The following TENM2 variants were observed in gnomAD, a reference collection of about 807,000 sequenced individuals.
The protein encoded by TENM2 is teneurin-2.
TENM2 carries 52 observed loss-of-function variants against 245.2 expected under a neutral mutation model. That is an observed-to-expected ratio of 0.21 (90% CI 0.17 to 0.27). TENM2 has a LOEUF of 0.27. TENM2 is among the 10% of genes least tolerant of loss of function. TENM2 has a pLI of 1.00. For synonymous variants in TENM2, 1,363 were observed against 1,438.9 expected (o/e 0.95, Z 1.19); for missense variants, 3,046 against 3,666.8 (o/e 0.83, Z 4.37).
chr5:168,141,052 C>T (rs1371389499), intron 12 of TENM2, among the ~76,000 whole-genome samples: 8 of 151,982 alleles, frequency 5.3e-5, no homozygotes, highest in South Asian at 4.1e-4. Context: ...TACATAGTCC[C>T]GCTGGGCTAT....
chr5:167,700,451 A>G (rs977045534), intron 2 of TENM2, among the ~76,000 whole-genome samples: 1 of 152,150 alleles, frequency 6.6e-6, no homozygotes. Flanking sequence ...ATTCATTTAG[A>G]CTAACATGCA....
intron 2 of TENM2, among the ~76,000 whole-genome samples, chr5:167,489,628 T>C (rs1192093406): frequency 1.3e-5 from 2 of 152,228 alleles, no homozygotes; most frequent in East Asian, 1.9e-4. Flanking sequence ...GTATGCTAGT[T>C]TACTGCTGTA....
intron 12 of TENM2, among the ~76,000 whole-genome samples, chr5:168,127,871 A>C (rs1422013576): frequency 6.6e-6 from 1 of 152,178 alleles, no homozygotes; most frequent in Admixed American, 6.5e-5. Context: ...TTTCCAGCCA[A>C]ACTACAGTTT....
rs759490621 is a variant in TENM2, at chr5:167,779,931, CA to C, written c.503-96054del. On this transcript the variant is annotated intron_variant, in intron 2 of 28. Transcript: ENST00000518659. ...CATTTGGCCACGAACAGTGTTGAGC[CA>C]TTTTTCAATGTACCAAATGTTCTAA... Among the ~76,000 whole-genome samples, 253 of 152,302 alleles carry C rather than the reference CA, an allele frequency of 1.7e-3. 3 individuals carry two copies. The highest frequency in any genetic ancestry group is 2.4e-3 in the Non-Finnish European group (166 of 68,028).
At chr5:167,518,904 G>A (rs1582270981) in intron 2 of TENM2, among the ~76,000 whole-genome samples, 1 of 152,118 alleles carries the variant, frequency 6.6e-6, no homozygotes, top group Non-Finnish European at 1.5e-5. Flanking sequence ...TGTGTAGGCA[G>A]TATCCATAAT....
intron 2 of TENM2, among the ~76,000 whole-genome samples, chr5:167,740,700 C>T (rs756353555): frequency 1.1e-4 from 17 of 152,154 alleles, no homozygotes; most frequent in Non-Finnish European, 2.2e-4. Context: ...CCTAGGGACC[C>T]GTGAGAGGGA....
the TENM2 span, among the ~76,000 whole-genome samples, chr5:167,094,523 GA>G: frequency 1.3e-5 from 2 of 151,582 alleles, no homozygotes; most frequent in African/African-American, 4.8e-5. Flanking sequence ...CCTTACAGAA[GA>G]AAAAAAACAG....
chr5:167,983,174 AAAG>A (rs567583948), intron 4 of TENM2, among the ~76,000 whole-genome samples: 5 of 136,370 alleles, frequency 3.7e-5, no homozygotes, highest in South Asian at 2.4e-4. Flanking sequence ...AGAGGGGGAA[AAAG>A]AAGAAGAAAA....
chr5:167,386,621 T>C (rs548887674), intron 2 of TENM2, among the ~76,000 whole-genome samples: 7 of 152,342 alleles, frequency 4.6e-5, no homozygotes, highest in Non-Finnish European at 7.3e-5. Context: ...TCCAATGTCA[T>C]CTTCTAGAAT....
chr5:167,749,645 A>T (rs1761829113), intron 2 of TENM2, among the ~76,000 whole-genome samples: 1 of 152,058 alleles, frequency 6.6e-6, no homozygotes. Context: ...CTCAAAAAAA[A>T]AAAAAATCAA....
exon 7 of TENM2, chr5:168,062,116 C>T (rs1455080507): frequency 1.9e-6 from 3 of 1,612,290 alleles, no homozygotes; most frequent in East Asian, 4.5e-5. Context: ...AGTTGGTCGG[C>T]GGGTAACACA....
intron 2 of TENM2, among the ~76,000 whole-genome samples, chr5:167,841,902 T>C (rs1769549700): frequency 6.6e-6 from 1 of 152,086 alleles, no homozygotes; most frequent in Admixed American, 6.5e-5. Context: ...ATTAATATGT[T>C]TTATATATGT....
chr5:168,214,362 C>T (rs1763013487), intron 20 of TENM2, among the ~76,000 whole-genome samples: 1 of 152,254 alleles, frequency 6.6e-6, no homozygotes, highest in East Asian at 1.9e-4. Context: ...TGGCTCACGC[C>T]TGTGACCTCA....
At chr5:167,074,074 A>C in the TENM2 span, among the ~76,000 whole-genome samples, 1 of 152,186 alleles carries the variant, frequency 6.6e-6, no homozygotes, top group East Asian at 1.9e-4. Context: ...TTGGGGTGGA[A>C]CAACTAAAGG....
intron 5 of TENM2, among the ~76,000 whole-genome samples, chr5:168,023,411 T>G (rs900494902): frequency 6.6e-6 from 1 of 152,034 alleles, no homozygotes; most frequent in Non-Finnish European, 1.5e-5. Context: ...CAGAGAACTC[T>G]CTCTCTGGCA....
In TENM2 at chr5:167,852,202, C is replaced by T. The variant is rs765720016; in HGVS notation, c.503-23784C>T. Among the ~76,000 whole-genome samples the T allele has an allele frequency of 4.7e-4, 72 of 152,116 alleles. 1 individual carries two copies. The highest frequency in any genetic ancestry group is 2.5e-4 in the Non-Finnish European group (17 of 68,022). On this transcript the variant is annotated intron_variant, in intron 2 of 28. Coordinates refer to ENST00000518659, the Ensembl canonical transcript of TENM2. ...TTTTCCAAGCTTGAACCACTTAAGT[C>T]AAAAGTAGAACTAATAAAAGCACAA... is the stretch of plus-strand genomic sequence containing the variant.
chr5:168,255,928 C>T (rs1337585679), intron 27 of TENM2, among the ~76,000 whole-genome samples: 1 of 151,936 alleles, frequency 6.6e-6, no homozygotes, highest in Non-Finnish European at 1.5e-5. Context: ...GCCTCGGCCT[C>T]CTGAGTAGCT....
intron 2 of TENM2, among the ~76,000 whole-genome samples, chr5:167,409,747 T>C (rs909819072): frequency 1.3e-5 from 2 of 151,904 alleles, no homozygotes; most frequent in Non-Finnish European, 2.9e-5. Flanking sequence ...TGTGCCATTT[T>C]TATTCAGGTA....
chr5:167,438,588 G>A (rs545568355), intron 2 of TENM2, among the ~76,000 whole-genome samples: 14 of 151,990 alleles, frequency 9.2e-5, no homozygotes, highest in Middle Eastern at 6.8e-3. Flanking sequence ...TAGTAGAGAC[G>A]GGGTTTCACG....
Sources: gnomAD v4.1 joint callset for allele counts (sites outside exome capture counted in the v4.1 genomes callset) on GRCh38, gnomAD v4.1.1 for gene constraint, MANE v1.5 for transcripts, NCBI Gene and HGNC (gene_info 2026-07-23, HGNC 2026-07-21) for gene names.